Variants in GPC5 observed in about 807,000 individuals in gnomAD.
GPC5 encodes the protein glypican 5.
GPC5 carries 47 observed loss-of-function variants against 53.9 expected under a neutral mutation model. That is an observed-to-expected ratio of 0.87 (90% CI 0.69 to 1.11). The LOEUF (loss-of-function observed/expected upper bound fraction) is 1.11, where lower values mean the gene tolerates loss of function less well. Ranked by LOEUF, GPC5 falls within the 50% of genes most tolerant of loss-of-function variation. GPC5 has a pLI of 0.00. For missense variants in GPC5, 748 were observed against 713.1 expected, an observed-to-expected ratio of 1.05 and a Z score of -0.56; for synonymous variants, 286 against 263.3, an observed-to-expected ratio of 1.09 and a Z score of -0.84.
At chr13:92,109,604 T>C (rs1294799327) in intron 6 of GPC5, among the ~76,000 whole-genome samples, 3 of 152,178 alleles carry the variant, frequency 2.0e-5, no homozygotes, top group African/African-American at 7.2e-5. Flanking sequence ...TATAGAATGA[T>C]GAGACACTAA....
At chr13:92,196,129 A>G (rs1405687266) in intron 7 of GPC5, among the ~76,000 whole-genome samples, 2 of 143,922 alleles carry the variant, frequency 1.4e-5, no homozygotes, top group East Asian at 6.4e-4. Flanking sequence ...TCTATGTGTA[A>G]TATTTATTGG....
At chr13:91,893,809 C>A (rs2039413205) in intron 5 of GPC5, among the ~76,000 whole-genome samples, 1 of 151,814 alleles carries the variant, frequency 6.6e-6, no homozygotes. Flanking sequence ...TTATATATTC[C>A]ATTGTTTACA....
chr13:92,237,184 A>G (rs146326667), intron 7 of GPC5, among the ~76,000 whole-genome samples: 244 of 152,234 alleles, frequency 1.6e-3, no homozygotes, highest in African/African-American at 5.4e-3. Context: ...GCTAATAATA[A>G]CAATTGTACA....
chr13:92,621,800 C>T (rs1884878963), intron 7 of GPC5, among the ~76,000 whole-genome samples: 2 of 152,134 alleles, frequency 1.3e-5, no homozygotes, highest in African/African-American at 4.8e-5. Flanking sequence ...GCCTGGGCAA[C>T]AGAGAAAGAC....
rs1351756537 is a variant in GPC5, at chr13:92,813,444, A to AT, written c.1562-52837dup. ...CTTTATAAAATTTGTCCAGGTGATC[A>AT]TCTCTTATTCAGCATTCCCACAGCT... On this transcript the variant is annotated intron_variant, in intron 7 of 7. Transcript: ENST00000377067. Among the ~76,000 whole-genome samples, 11 of 152,082 alleles carry AT rather than the reference A, an allele frequency of 7.2e-5. 1 individual carries two copies. Among genetic ancestry groups the AT allele is most frequent in the African/African-American group, 2.7e-4 (11 of 41,386 alleles).
At chr13:92,454,297 A>G (rs1470636472) in intron 7 of GPC5, among the ~76,000 whole-genome samples, 2 of 152,142 alleles carry the variant, frequency 1.3e-5, no homozygotes, top group East Asian at 1.9e-4. Context: ...AAATTGATTT[A>G]CTGGTTTTAT....
chr13:92,149,495 G>A (rs539499326), intron 7 of GPC5, among the ~76,000 whole-genome samples: 5 of 151,968 alleles, frequency 3.3e-5, no homozygotes, highest in Admixed American at 1.3e-4. Context: ...TAGAACTATT[G>A]TTTGTGTTGT....
chr13:91,991,874 CATT>C (rs2040460069), intron 6 of GPC5, among the ~76,000 whole-genome samples: 4 of 152,042 alleles, frequency 2.6e-5, no homozygotes, highest in South Asian at 4.1e-4. Flanking sequence ...TTTTTATAAA[CATT>C]AGTGTGTGGT....
chr13:92,361,628 C>T (rs943212627), intron 7 of GPC5, among the ~76,000 whole-genome samples: 1 of 151,510 alleles, frequency 6.6e-6, no homozygotes, highest in African/African-American at 2.4e-5. Context: ...GGAGGATCAA[C>T]CATCACAGAG....
At chr13:92,279,882 T>C (rs1048011754) in intron 7 of GPC5, among the ~76,000 whole-genome samples, 2 of 152,130 alleles carry the variant, frequency 1.3e-5, no homozygotes, top group African/African-American at 4.8e-5. Context: ...TTTCTTATGG[T>C]ATCTGATTTT....
At chr13:92,264,888 G>C (rs1005986234) in intron 7 of GPC5, among the ~76,000 whole-genome samples, 2,649 of 68,818 alleles carry the variant, frequency 0.038, 71 homozygotes, top group African/African-American at 0.16. Flanking sequence ...CTGTGTGTGT[G>C]TGTGTGTGTG....
At chr13:91,825,404 G>A (rs535436811) in intron 5 of GPC5, among the ~76,000 whole-genome samples, 1 of 152,186 alleles carries the variant, frequency 6.6e-6, no homozygotes, top group Admixed American at 6.6e-5. Flanking sequence ...GTATAGCATT[G>A]CCCTATTCTT....
At chr13:92,471,165 A>G (rs1318126916) in intron 7 of GPC5, among the ~76,000 whole-genome samples, 1 of 152,164 alleles carries the variant, frequency 6.6e-6, no homozygotes, top group Non-Finnish European at 1.5e-5. Flanking sequence ...TGTAAGTCCT[A>G]TAGGGAGGGA....
chr13:92,854,441 A>T (rs1334763584), intron 7 of GPC5, among the ~76,000 whole-genome samples: 2 of 151,214 alleles, frequency 1.3e-5, no homozygotes, highest in Admixed American at 1.3e-4. Flanking sequence ...AATAAGAAAC[A>T]TTCCTTTAAG....
chr13:92,415,212 CAATT>C, intron 7 of GPC5, among the ~76,000 whole-genome samples: 1 of 152,194 alleles, frequency 6.6e-6, no homozygotes, highest in East Asian at 1.9e-4. Context: ...CTGGCAACTT[CAATT>C]AATTGATTTT....
chr13:91,618,129 C>G (rs1380555114), intron 2 of GPC5, among the ~76,000 whole-genome samples: 1 of 152,058 alleles, frequency 6.6e-6, no homozygotes, highest in East Asian at 1.9e-4. Flanking sequence ...AGGCATTAGA[C>G]ACAGACATTA....
intron 7 of GPC5, among the ~76,000 whole-genome samples, chr13:92,325,497 CTGT>C (rs1346105961): frequency 2.0e-5 from 3 of 151,990 alleles, no homozygotes; most frequent in Admixed American, 6.6e-5. Flanking sequence ...TAGATTAGCT[CTGT>C]TGTTGTGATT....
intron 7 of GPC5, among the ~76,000 whole-genome samples, chr13:92,382,136 TG>T (rs1447750999): frequency 1.3e-5 from 2 of 151,674 alleles, no homozygotes; most frequent in Non-Finnish European, 2.9e-5. Context: ...AAACATCATA[TG>T]TTCTCACTGA....
At chr13:91,872,950 G>A (rs988758681) in intron 5 of GPC5, among the ~76,000 whole-genome samples, 1 of 152,034 alleles carries the variant, frequency 6.6e-6, no homozygotes, top group Admixed American at 6.5e-5. Context: ...AAATAAAATG[G>A]CAAGTCATTT....
Sources: gnomAD v4.1 joint callset for allele counts (sites outside exome capture counted in the v4.1 genomes callset) on GRCh38, gnomAD v4.1.1 for gene constraint, MANE v1.5 for transcripts, NCBI Gene and HGNC (gene_info 2026-07-23, HGNC 2026-07-21) for gene names.